The following JAKMIP1 variants were observed in gnomAD, a reference collection of about 807,000 sequenced individuals.
JAKMIP1 encodes janus kinase and microtubule interacting protein 1, also known as janus kinase and microtubule-interacting protein 1.
JAKMIP1 carries 33 observed loss-of-function variants against 113.0 expected under a neutral mutation model. That is an observed-to-expected ratio of 0.29 (90% confidence interval 0.22 to 0.39). The LOEUF is 0.39. Among genes scored for constraint, JAKMIP1 ranks in the 10% least tolerant of loss-of-function variants. The pLI, the probability that JAKMIP1 is intolerant of heterozygous loss-of-function variation, is 1.00. For missense variants in JAKMIP1, 813 were observed against 1,080.5 expected, an observed-to-expected ratio of 0.75 and a Z score of 3.47; for synonymous variants, 480 against 459.9, an observed-to-expected ratio of 1.04 and a Z score of -0.56.
chr4:6,045,592 G>C (rs1456375764), intron 16 of JAKMIP1, among the ~76,000 whole-genome samples: 2 of 152,230 alleles, frequency 1.3e-5, no homozygotes, highest in Admixed American at 1.3e-4. Context: ...TGGCTTCGAG[G>C]CTGGGTGAGG....
chr4:6,101,041 A>G (rs1370851957), intron 3 of JAKMIP1, among the ~76,000 whole-genome samples: 1 of 152,102 alleles, frequency 6.6e-6, no homozygotes, highest in African/African-American at 2.4e-5. Context: ...AACAATGATT[A>G]TTTCATGTCC....
chr4:6,198,216 T>C (rs1448478107), intron 1 of JAKMIP1, among the ~76,000 whole-genome samples: 1 of 152,210 alleles, frequency 6.6e-6, no homozygotes, highest in Non-Finnish European at 1.5e-5. Flanking sequence ...ACACAATCTT[T>C]CCGGCAGAGT....
intron 2 of JAKMIP1, among the ~76,000 whole-genome samples, chr4:6,109,730 G>A (rs1339454357): frequency 2.0e-5 from 3 of 152,036 alleles, no homozygotes; most frequent in Admixed American, 6.5e-5. Context: ...TCATCCTACA[G>A]TGTTCAACAG....
At position 6,065,141 on chromosome 4, in the gene JAKMIP1, T is replaced by C; in HGVS notation, c.1303-133A>G. The C allele has an allele frequency of 8.9e-7, 1 of 1,118,944 alleles. No individual in the cohort carries two copies. The highest frequency in any genetic ancestry group is 1.3e-6 in the Non-Finnish European group (1 of 755,368). The allele number at this position is 1,118,944 out of a possible 1,614,324, so 69.3% of individuals were successfully genotyped here. A position where few individuals can be genotyped will look rare whatever the true frequency, so the allele number is the denominator to read the frequency against. On this transcript the variant is annotated intron_variant, in intron 8 of 20. Coordinates refer to ENST00000409021, the MANE Select transcript of JAKMIP1 (RefSeq NM_001099433.2). The surrounding 1 kb of genome is among the most constrained non-coding windows in gnomAD (Gnocchi z 5.1). ...GCCACTGGGGCATCACAAGATGCGGTTGGTGGGCTTCGTAACTGACTGGGT... is the reference window on the plus strand; with the variant it reads ...GCCACTGGGGCATCACAAGATGCGGCTGGTGGGCTTCGTAACTGACTGGGT...
chr4:6,060,486 C>G lies in JAKMIP1; in HGVS notation c.1582G>C (p.Asp528His), dbSNP rs1167021367. 1 of 1,614,064 alleles carries G rather than the reference C, an allele frequency of 6.2e-7. No homozygotes were observed. Among genetic ancestry groups the G allele is most frequent in the Admixed American group, 1.7e-5 (1 of 60,032 alleles). Residue 528 changes from aspartate to histidine, a missense_variant, in exon 11 of 21, where the codon GAT becomes CAT. Asp to His is a moderately conservative substitution (Grantham distance 81, BLOSUM62 -1). This residue lies in a region of JAKMIP1 where 273 missense variants were observed against 426.6 expected (regional missense o/e 0.64). Transcript: ENST00000409021. ...EARTREQLQA[D>H]LLRCQAKIED... ...ATTTTGGCCTGACACCTCAGCAGAT[C>G]AGCTTGTAGCTGCTCCCGAGTCTGG...
rs1454163305 is a variant in JAKMIP1, at chr4:6,129,977, C to A, written c.-147-16980G>T. Among the ~76,000 whole-genome samples, 2 of 152,194 alleles carry A rather than the reference C, an allele frequency of 1.3e-5. No homozygotes were observed. Among genetic ancestry groups the A allele is most frequent in the African/African-American group, 4.8e-5 (2 of 41,450 alleles). ...TCCATCTTGATATGTCCCAGTGAAG[C>A]CAAGTTCAGGAGAAGAGGCCTCTCT... On this transcript the variant is annotated intron_variant, in intron 1 of 20. Coordinates refer to ENST00000409021, the MANE Select transcript of JAKMIP1 (RefSeq NM_001099433.2). This position sits in a 1 kb window ranked among gnomAD's most constrained non-coding sequence, Gnocchi z 5.4.
At chr4:6,039,015 T>A (rs1713950395) in intron 18 of JAKMIP1, among the ~76,000 whole-genome samples, 1 of 152,264 alleles carries the variant, frequency 6.6e-6, no homozygotes, top group African/African-American at 2.4e-5. Flanking sequence ...ACTTCCTGAC[T>A]GTTCATGAGA....
Position 6,156,262 on chromosome 4 carries a change from G to C in JAKMIP1, c.-147-43265C>G, listed in dbSNP as rs1722230576. ...AACACAGGAACAAGCGAATGCCACTGTATCACACTGATCCTAAGTTAACGT... is the reference window on the plus strand; with the variant it reads ...AACACAGGAACAAGCGAATGCCACTCTATCACACTGATCCTAAGTTAACGT... On this transcript the variant is annotated intron_variant, in intron 1 of 20. Coordinates refer to ENST00000409021, the MANE Select transcript of JAKMIP1 (RefSeq NM_001099433.2). This position sits in a 1 kb window ranked among gnomAD's most constrained non-coding sequence, Gnocchi z 5.0. Among the ~76,000 whole-genome samples the C allele has an allele frequency of 6.6e-6, 1 of 152,170 alleles. No individual in the cohort carries two copies. Among genetic ancestry groups the C allele is most frequent in the South Asian group, 2.1e-4 (1 of 4,822 alleles).
intron 5 of JAKMIP1, among the ~76,000 whole-genome samples, chr4:6,082,224 T>C (rs1720674314): frequency 6.6e-6 from 1 of 151,834 alleles, no homozygotes; most frequent in East Asian, 2.0e-4. Flanking sequence ...GTGGTTTGAG[T>C]TCACCAAGAT....
rs1327052547 is a variant in JAKMIP1, at chr4:6,199,359, C to T, written c.-148+894G>A. Among the ~76,000 whole-genome samples the T allele has an allele frequency of 1.3e-5, 2 of 152,178 alleles. No individual in the cohort carries two copies. The highest frequency in any genetic ancestry group is 2.9e-5 in the Non-Finnish European group (2 of 68,030). On this transcript the variant is annotated intron_variant, in intron 1 of 20. Transcript: ENST00000409021. This position sits in a 1 kb window ranked among gnomAD's most constrained non-coding sequence, Gnocchi z 5.6. ...GAAGCGCCAGCCTCGTAAGCGGCCT[C>T]TATCTGGGCTGCCCAGGCCGGATGC...
chr4:6,088,063 T>A lies in JAKMIP1; in HGVS notation c.625-2434A>T, dbSNP rs1449260910. Among the ~76,000 whole-genome samples the A allele has an allele frequency of 6.6e-6, 1 of 151,808 alleles. No individual in the cohort carries two copies. The highest frequency in any genetic ancestry group is 6.6e-5 in the Admixed American group (1 of 15,232). On this transcript the variant is annotated intron_variant, in intron 3 of 20. Transcript: ENST00000409021. This position sits in a 1 kb window ranked among gnomAD's most constrained non-coding sequence, Gnocchi z 5.5. Reference sequence around the variant, plus strand: ...AGCAAAAATCATTATGCAGAAGGAGTTTATTCATTTAATTCACTCAAGCAC... The same window carrying A: ...AGCAAAAATCATTATGCAGAAGGAGATTATTCATTTAATTCACTCAAGCAC...
Position 6,194,506 on chromosome 4 carries a change from C to T in JAKMIP1, c.-148+5747G>A, listed in dbSNP as rs538479339. The T allele has an allele frequency of 2.3e-4, 35 of 152,332 alleles. No homozygotes were observed. The highest frequency in any genetic ancestry group is 4.3e-4 in the Non-Finnish European group (29 of 68,128). The allele number at this position is 152,332 out of a possible 1,614,324, so 9.4% of individuals were successfully genotyped here. On this transcript the variant is annotated intron_variant, in intron 1 of 20. Coordinates refer to ENST00000409021, the MANE Select transcript of JAKMIP1 (RefSeq NM_001099433.2). The surrounding 1 kb of genome is among the most constrained non-coding windows in gnomAD (Gnocchi z 7.4). Reference sequence around the variant, plus strand: ...AGCTACTTACCAGCTCACTCCTTGCCTCCACTGTCAACTCCTCAGAGTCCT... The same window carrying T: ...AGCTACTTACCAGCTCACTCCTTGCTTCCACTGTCAACTCCTCAGAGTCCT...
chr4:6,154,488 T>C lies in JAKMIP1; in HGVS notation c.-147-41491A>G, dbSNP rs1721990003. Among the ~76,000 whole-genome samples the C allele has an allele frequency of 6.7e-6, 1 of 148,206 alleles. No individual in the cohort carries two copies. The highest frequency in any genetic ancestry group is 2.5e-5 in the African/African-American group (1 of 40,106). ...GATTGGACAAGGAATTTGTCAGATG[T>C]CTATAGTCCTTTAAAAAAAAAAAAA... is the stretch of plus-strand genomic sequence containing the variant. On this transcript the variant is annotated intron_variant, in intron 1 of 20. Coordinates refer to ENST00000409021, the MANE Select transcript of JAKMIP1 (RefSeq NM_001099433.2). The surrounding 1 kb of genome is among the most constrained non-coding windows in gnomAD (Gnocchi z 4.2).
intron 2 of JAKMIP1, among the ~76,000 whole-genome samples, chr4:6,109,120 G>C (rs1714452759): frequency 6.8e-6 from 1 of 147,188 alleles, no homozygotes; most frequent in Non-Finnish European, 1.5e-5. Flanking sequence ...TGTGCCTGGG[G>C]CACCTTTTTT....
chr4:6,028,157 A>C (rs1487631273), intron 20 of JAKMIP1, among the ~76,000 whole-genome samples: 1 of 152,246 alleles, frequency 6.6e-6, no homozygotes, highest in Non-Finnish European at 1.5e-5. Context: ...AGGCCAGAGG[A>C]GAGCCCAGGC....
chr4:6,062,305 C>T lies in JAKMIP1; in HGVS notation c.1560+7G>A. On this transcript the variant is annotated splice_region_variant and intron_variant, in intron 10 of 20. Transcript: ENST00000409021. ...CTCCCTCGAGCCCTGAGGCTGGCTG[C>T]ACTCACCCGGGCCTCCCTCTCAGCG... 6 of 1,611,916 alleles carry T rather than the reference C, an allele frequency of 3.7e-6. No individual in the cohort carries two copies. The highest frequency in any genetic ancestry group is 3.4e-6 in the Non-Finnish European group (4 of 1,179,844).
chr4:6,112,420 A>C (rs1240277718), intron 2 of JAKMIP1, among the ~76,000 whole-genome samples: 1 of 152,192 alleles, frequency 6.6e-6, no homozygotes, highest in Non-Finnish European at 1.5e-5. Flanking sequence ...TTGCTCAGTT[A>C]ATCTCTGCTA....
rs1203723357 is a variant in JAKMIP1, at chr4:6,105,537, T to G, written c.560A>C (p.Tyr187Ser). 6.2e-7 allele frequency: 1 copy of G among 1,607,668 alleles called. No individual in the cohort carries two copies. The part of the protein sequence containing the change: ...KTKAADLRAA[Y>S]QAHQDEVHRI... ...GTGCACCTCGTCTTGGTGCGCCTGG[T>G]AGGCGGCACGCAGGTCGGCTGCCTT... Residue 187 changes from tyrosine to serine, a missense_variant, in exon 3 of 21, where the codon TAC (tyrosine) becomes TCC (serine). Transcript: ENST00000409021.
chr4:6,112,087 C>T lies in JAKMIP1; in HGVS notation c.129+635G>A, dbSNP rs537491590. On this transcript the variant is annotated intron_variant, in intron 2 of 20. Coordinates refer to ENST00000409021, the MANE Select transcript of JAKMIP1 (RefSeq NM_001099433.2). ...TTTGGAATTTAGGAAAAGCTGGTAC[C>T]GCCATGACCCTGCTGAATTCAGCCT... Among the ~76,000 whole-genome samples the T allele has an allele frequency of 1.3e-4, 20 of 152,318 alleles. No homozygotes were observed. The East Asian group carries it at 1.7e-3, about 13-fold the overall frequency.
Sources: gnomAD v4.1 joint callset for allele counts (sites outside exome capture counted in the v4.1 genomes callset) on GRCh38, gnomAD v4.1.1 for gene constraint, gnomAD v4.1.1 regional missense constraint, Gnocchi (gnomAD v3.1) non-coding constraint, MANE v1.5 for transcripts, NCBI Gene and HGNC (gene_info 2026-07-23, HGNC 2026-07-21) for gene names.